Variants in SLC9C1 observed in about 807,000 individuals in gnomAD.
SLC9C1 encodes sodium/hydrogen exchanger 10.
Under a neutral mutation model 140.9 loss-of-function variants are expected in SLC9C1, and 97 were observed. The ratio of observed to expected loss-of-function variants is 0.69; its 90% CI spans 0.58 to 0.82. The LOEUF (loss-of-function observed/expected upper bound fraction) is 0.82, where lower values mean the gene tolerates loss of function less well. Ranked by LOEUF, SLC9C1 falls within the 40% of genes least tolerant of loss-of-function variation. SLC9C1 has a pLI of 0.00. For synonymous variants in SLC9C1, 440 were observed against 442.6 expected (o/e 0.99, Z 0.07); for missense variants, 1,340 against 1,389.3 (o/e 0.96, Z 0.56).
intron 1 of SLC9C1, among the ~76,000 whole-genome samples, chr3:112,291,359 C>T (rs886558466): frequency 6.6e-6 from 1 of 152,120 alleles, no homozygotes; most frequent in Non-Finnish European, 1.5e-5. Flanking sequence ...AAAATTTTTG[C>T]AAACTATGCT....
chr3:112,284,730 T>A lies in SLC9C1; in HGVS notation c.88+1974A>T, dbSNP rs187922271. ...TTCATTACATTGAAAATGCAAAGGA[T>A]AAACTTTTGGAAGCTGACCCAAAGT... On this transcript the variant is annotated intron_variant, in intron 2 of 28. Coordinates refer to ENST00000305815, the MANE Select transcript of SLC9C1 (RefSeq NM_183061.3). Among the ~76,000 whole-genome samples the A allele has an allele frequency of 9.2e-4, 140 of 152,304 alleles. 2 individuals are homozygous for A. The East Asian group carries it at 0.012, about 13-fold the overall frequency.
intron 8 of SLC9C1, 22 bp downstream of exon 8, chr3:112,266,216 T>A (rs537809776): frequency 6.6e-7 from 1 of 1,511,558 alleles, no homozygotes; most frequent in African/African-American, 1.4e-5. Flanking sequence ...TGAAATAAAG[T>A]CAAAATATGC....
chr3:112,251,261 A>G (rs2079448826), intron 10 of SLC9C1, among the ~76,000 whole-genome samples: 2 of 152,060 alleles, frequency 1.3e-5, no homozygotes, highest in African/African-American at 2.4e-5. Flanking sequence ...CCACCCACCT[A>G]GGAGTGACAC....
intron 15 of SLC9C1, among the ~76,000 whole-genome samples, chr3:112,212,417 G>A (rs1458641571): frequency 1.3e-5 from 2 of 152,172 alleles, no homozygotes; most frequent in Admixed American, 6.5e-5. Context: ...CGAGCTAAAG[G>A]AGGAAGTTCG....
intron 13 of SLC9C1, 27 bp from the exon 14 acceptor site, chr3:112,221,252 A>G (rs373218398): frequency 6.4e-7 from 1 of 1,570,684 alleles, no homozygotes; most frequent in African/African-American, 1.4e-5. Context: ...TCAAGTCATT[A>G]TATAGCATGA....
chr3:112,166,111 C>G (rs923660092), intron 26 of SLC9C1, among the ~76,000 whole-genome samples: 1 of 152,212 alleles, frequency 6.6e-6, no homozygotes, highest in Non-Finnish European at 1.5e-5. Context: ...TTGCTAAGAT[C>G]GTTGGAAAAG....
At chr3:112,203,351 C>T (rs1359665077) in intron 17 of SLC9C1, among the ~76,000 whole-genome samples, 4 of 152,018 alleles carry the variant, frequency 2.6e-5, no homozygotes, top group Non-Finnish European at 5.9e-5. Flanking sequence ...CAGTGGAATA[C>T]ACTAGACTCG....
chr3:112,152,716 G>T (rs996299904), intron 27 of SLC9C1, among the ~76,000 whole-genome samples: 1 of 152,252 alleles, frequency 6.6e-6, no homozygotes, highest in African/African-American at 2.4e-5. Context: ...ACAGTGCATT[G>T]TGTCCCTGGG....
chr3:112,167,433 C>G (rs2077160570), intron 25 of SLC9C1, 86 bp from the exon 26 acceptor site: 2 of 1,341,782 alleles, frequency 1.5e-6, no homozygotes. Context: ...TTCTGGCTTT[C>G]TCTAGGTATC....
chr3:112,238,102 C>G (rs370409259), intron 12 of SLC9C1, among the ~76,000 whole-genome samples: 2 of 152,162 alleles, frequency 1.3e-5, no homozygotes, highest in African/African-American at 4.8e-5. Context: ...ACCAATCAGA[C>G]GTAGATTTGG....
intron 9 of SLC9C1, 119 bp from the exon 10 acceptor site, chr3:112,263,217 C>A: frequency 1.3e-6 from 1 of 777,014 alleles, no homozygotes; most frequent in Non-Finnish European, 1.9e-6. Flanking sequence ...AATGAGACAT[C>A]TTTCACACAC....
chr3:112,216,559 C>A (rs1272076258), intron 15 of SLC9C1, among the ~76,000 whole-genome samples: 1 of 151,542 alleles, frequency 6.6e-6, no homozygotes, highest in Non-Finnish European at 1.5e-5. Flanking sequence ...TATGAACAGA[C>A]ACTTCTCAAA....
intron 16 of SLC9C1, among the ~76,000 whole-genome samples, chr3:112,207,419 T>A (rs2078085045): frequency 6.6e-6 from 1 of 152,030 alleles, no homozygotes; most frequent in Non-Finnish European, 1.5e-5. Context: ...AATTTGGGAG[T>A]CATTAGACTA....
chr3:112,172,917 C>T (rs2077272338), intron 23 of SLC9C1, among the ~76,000 whole-genome samples: 1 of 151,766 alleles, frequency 6.6e-6, no homozygotes, highest in African/African-American at 2.4e-5. Context: ...ATGTCTAATC[C>T]TTTTAATATA....
At chr3:112,169,723 TG>T in intron 23 of SLC9C1, among the ~76,000 whole-genome samples, 1 of 152,184 alleles carries the variant, frequency 6.6e-6, no homozygotes, top group Non-Finnish European at 1.5e-5. Context: ...AGCTCTTTTT[TG>T]GTTCCATATG....
chr3:112,236,367 T>C (rs1204466249), intron 12 of SLC9C1, among the ~76,000 whole-genome samples: 2 of 152,168 alleles, frequency 1.3e-5, no homozygotes, highest in Non-Finnish European at 2.9e-5. Flanking sequence ...TCTTTTCTTC[T>C]TTATTAGTCT....
intron 1 of SLC9C1, among the ~76,000 whole-genome samples, chr3:112,287,614 C>T (rs140506301): frequency 7.0e-4 from 107 of 152,330 alleles, no homozygotes; most frequent in Non-Finnish European, 1.6e-4. Context: ...GGCAATCTCG[C>T]CTGCTTCCCA....
chr3:112,161,284 A>G (rs1310142458), intron 26 of SLC9C1, among the ~76,000 whole-genome samples: 1 of 152,076 alleles, frequency 6.6e-6, no homozygotes, highest in African/African-American at 2.4e-5. Context: ...ATTAGATCCC[A>G]TTTGTCAATT....
At chr3:112,240,447 G>C (rs1314424816) in intron 11 of SLC9C1, among the ~76,000 whole-genome samples, 1 of 152,212 alleles carries the variant, frequency 6.6e-6, no homozygotes, top group Non-Finnish European at 1.5e-5. Flanking sequence ...AGTGTTTTTG[G>C]ATGAGGGTGA....
Sources: allele counts gnomAD v4.1 joint callset (sites outside exome capture counted in the v4.1 genomes callset), GRCh38; gene constraint gnomAD v4.1.1; transcripts MANE v1.5; gene names NCBI Gene and HGNC (gene_info 2026-07-23, HGNC 2026-07-21).